The following ARFGAP1 variants were observed in gnomAD, a reference collection of about 807,000 sequenced individuals.
ARFGAP1 encodes ARF GTPase activating protein 1.
Under a neutral mutation model 54.0 loss-of-function variants are expected in ARFGAP1, and 26 were observed. The ratio of observed to expected loss-of-function variants is 0.48; its 90% confidence interval spans 0.35 to 0.67. The LOEUF (loss-of-function observed/expected upper bound fraction) is 0.67. Ranked by LOEUF, ARFGAP1 falls within the 30% of genes least tolerant of loss-of-function variation. ARFGAP1 has a pLI of 0.00. For missense variants in ARFGAP1, 525 were observed against 535.8 expected, an observed-to-expected ratio of 0.98 and a Z score of 0.20; for synonymous variants, 248 against 211.9, an observed-to-expected ratio of 1.17 and a Z score of -1.48.
At position 63,286,437 on chromosome 20, in the gene ARFGAP1, G is replaced by A. The variant is rs1312567474; in HGVS notation, c.906G>A (p.Leu302=). The A allele has an allele frequency of 1.2e-6, 2 of 1,613,160 alleles. No individual in the cohort carries two copies. Among genetic ancestry groups the A allele is most frequent in the Non-Finnish European group, 1.7e-6 (2 of 1,179,938 alleles). The change falls in exon 12 of 13, where the codon TTG becomes TTA. Residue 302 remains leucine (L), a synonymous_variant. Coordinates refer to ENST00000370283, the MANE Select transcript of ARFGAP1 (RefSeq NM_018209.4). The stretch of plus-strand genomic sequence containing the variant: ...TTTCGGGGAAAGCAGAGGGCCCCTT[G>A]GACAGGTATGCTGTGTCCCCTCCTG... ...TFFSGKAEGP[L]DSPSEGHSYQ...
At position 63,284,957 on chromosome 20, in the gene ARFGAP1, C is replaced by G. The variant is rs375396089; in HGVS notation, c.774+35C>G. On this transcript the variant is annotated intron_variant, in intron 10 of 12. Coordinates refer to ENST00000370283, the MANE Select transcript of ARFGAP1 (RefSeq NM_018209.4). ...AGCTCCGGGTGGTTGTGCCTGGAGCCCTTCACTCCAGGGGACGTGGGTGTG... is the reference window on the plus strand; with the variant it reads ...AGCTCCGGGTGGTTGTGCCTGGAGCGCTTCACTCCAGGGGACGTGGGTGTG... 4.4e-6 allele frequency: 7 copies of G among 1,608,184 alleles called. No individual in the cohort carries two copies. In the Admixed American group the frequency reaches 8.3e-5, roughly 19 times the overall value.
At chr20:63,275,233 AC>A (rs1330753006) in intron 1 of ARFGAP1, among the ~76,000 whole-genome samples, 1 of 152,086 alleles carries the variant, frequency 6.6e-6, no homozygotes, top group Non-Finnish European at 1.5e-5. Context: ...TTTAAAGACT[AC>A]CCCTTGCTGT....
At chr20:63,286,114 C>A (rs940547928) in intron 11 of ARFGAP1, 1 of 1,550,228 alleles carries the variant, frequency 6.5e-7, no homozygotes. Flanking sequence ...TCCTCCCCCC[C>A]AAGCATGTGG....
intron 10 of ARFGAP1, chr20:63,285,444 C>A: frequency 1.6e-6 from 1 of 608,326 alleles, no homozygotes; most frequent in Non-Finnish European, 2.9e-6. Flanking sequence ...GCAGGGGCCA[C>A]GTTTGCAGAC....
At chr20:63,284,165 T>A (rs566336011) in intron 9 of ARFGAP1, 1 of 1,297,676 alleles carries the variant, frequency 7.7e-7, no homozygotes, top group East Asian at 3.2e-5. Context: ...GCAGGCCTGC[T>A]GCCGGGGAGG....
Position 63,288,046 on chromosome 20 carries a change from A to C in ARFGAP1, c.*173A>C. ...GGGTGTGCGCCGCCTGCGCGTGGGG[A>C]GTCTTCGGTGCGTGGGGGCGGCTTG... is the stretch of plus-strand genomic sequence containing the variant. On this transcript the variant is annotated 3_prime_UTR_variant, in exon 13 of 13. Transcript: ENST00000370283. 5.2e-6 allele frequency: 4 copies of C among 772,756 alleles called. No individual in the cohort carries two copies. Among genetic ancestry groups the C allele is most frequent in the South Asian group, 3.7e-5 (2 of 53,960 alleles). 47.9% of individuals were successfully genotyped at this position (772,756 alleles called of 1,614,324 possible).
chr20:63,285,219 G>C (rs757658069), intron 10 of ARFGAP1, among the ~76,000 whole-genome samples: 4 of 151,708 alleles, frequency 2.6e-5, no homozygotes, highest in Non-Finnish European at 5.9e-5. Context: ...AGCACCCCCA[G>C]CCCACCTCCG....
At position 63,284,862 on chromosome 20, in the gene ARFGAP1, A is replaced by G. The variant is rs2067484322; in HGVS notation, c.718-4A>G. ...TGGGGCTCACGTGACTTCCCTTCCTACAGGCGTCCGAGCTGGGCCACAGCC... is the reference window on the plus strand; with the variant it reads ...TGGGGCTCACGTGACTTCCCTTCCTGCAGGCGTCCGAGCTGGGCCACAGCC... On this transcript the variant is annotated splice_polypyrimidine_tract_variant and splice_region_variant and intron_variant, in intron 9 of 12. Coordinates refer to ENST00000370283, the MANE Select transcript of ARFGAP1 (RefSeq NM_018209.4). 2 of 1,612,380 alleles carry G rather than the reference A, an allele frequency of 1.2e-6. No homozygotes were observed.
At chr20:63,283,627 C>G (rs1434312245) in intron 9 of ARFGAP1, 2 of 480,020 alleles carry the variant, frequency 4.2e-6, no homozygotes, top group Non-Finnish European at 7.3e-6. Context: ...CTGGCTTTTT[C>G]GTGGGCCTCC....
At chr20:63,278,234 G>T in intron 6 of ARFGAP1, 31 bp downstream of exon 6, 1 of 1,603,608 alleles carries the variant, frequency 6.2e-7, no homozygotes, top group Non-Finnish European at 8.5e-7. Context: ...GACGCCTGGC[G>T]TGGGCCAGGC....
At chr20:63,278,003 A>G in intron 5 of ARFGAP1, 114 bp from the exon 6 acceptor site, 1 of 909,434 alleles carries the variant, frequency 1.1e-6, no homozygotes, top group South Asian at 1.4e-5. Context: ...AGGTGCTCTC[A>G]GGGGTGACGT....
At chr20:63,280,726 G>A (rs553227926) in intron 7 of ARFGAP1, among the ~76,000 whole-genome samples, 1 of 152,348 alleles carries the variant, frequency 6.6e-6, no homozygotes, top group African/African-American at 2.4e-5. Flanking sequence ...GCTGCCTTTT[G>A]CTGGGAAGCT....
rs1039752715 is a variant in ARFGAP1 at position 63,288,405 on chromosome 20, C to T, written c.*532C>T. On this transcript the variant is annotated 3_prime_UTR_variant, in exon 13 of 13. Transcript: ENST00000370283. ...CTGCCATCCGACCACCCTCGGCTCC[C>T]GAGTCCACGCCTGCCTGGGCCTGTG... is the stretch of plus-strand genomic sequence containing the variant. 7 of 456,080 alleles carry T rather than the reference C, an allele frequency of 1.5e-5. No homozygotes were observed. Among genetic ancestry groups the T allele is most frequent in the Admixed American group, 4.7e-5 (2 of 42,560 alleles). The allele number at this position is 456,080 out of a possible 1,614,324, so 28.3% of individuals were successfully genotyped here.
chr20:63,278,421 T>TG (rs3215650), intron 6 of ARFGAP1: 269,974 of 517,918 alleles, frequency 0.52, 75,361 homozygotes, highest in East Asian at 0.84. Context: ...AGGTGTGAAT[T>TG]GGGGGGTCTT....
Position 63,276,272 on chromosome 20 carries a change from T to G in ARFGAP1, c.170+72T>G. The G allele has an allele frequency of 6.4e-7, 1 of 1,550,566 alleles. No homozygotes were observed. Among genetic ancestry groups the G allele is most frequent in the South Asian group, 1.1e-5 (1 of 89,446 alleles). ...CAGCATCTGTTCCTGACACCAGAGG[T>G]GCTGACGCCAGGGAAGCTTGGGGGC... On this transcript the variant is annotated intron_variant, in intron 3 of 12. Coordinates refer to ENST00000370283, the MANE Select transcript of ARFGAP1 (RefSeq NM_018209.4). This position sits in a 1 kb window ranked among gnomAD's most constrained non-coding sequence, Gnocchi z 5.2.
At chr20:63,280,027 A>G (rs2067338962) in intron 7 of ARFGAP1, among the ~76,000 whole-genome samples, 1 of 152,154 alleles carries the variant, frequency 6.6e-6, no homozygotes, top group Non-Finnish European at 1.5e-5. Context: ...TTGTAGCCCC[A>G]GCTACTGAGG....
intron 7 of ARFGAP1, among the ~76,000 whole-genome samples, chr20:63,279,457 C>T (rs1478999367): frequency 3.9e-5 from 6 of 152,150 alleles, no homozygotes; most frequent in East Asian, 1.9e-4. Flanking sequence ...CTGTCCGCCT[C>T]GGCCTCCCAA....
chr20:63,285,724 T>C lies in ARFGAP1; in HGVS notation c.834+11T>C. The C allele has an allele frequency of 6.2e-7, 1 of 1,612,848 alleles. No homozygotes were observed. Among genetic ancestry groups the C allele is most frequent in the Non-Finnish European group, 8.5e-7 (1 of 1,179,384 alleles). ...CAGTTGGCGTCCAAGGTAGGGAGCC[T>C]GCCAGATACGCGGGCACAGTCGAAG... is the stretch of plus-strand genomic sequence containing the variant. On this transcript the variant is annotated intron_variant, in intron 11 of 12. Transcript: ENST00000370283.
At position 63,276,736 on chromosome 20, in the gene ARFGAP1, C is replaced by T. The variant is rs1217525679; in HGVS notation, c.342+85C>T. 1 of 1,442,950 alleles carries T rather than the reference C, an allele frequency of 6.9e-7. No individual in the cohort carries two copies. Among genetic ancestry groups the T allele is most frequent in the Non-Finnish European group, 9.3e-7 (1 of 1,080,912 alleles). The allele number at this position is 1,442,950 out of a possible 1,614,324, so 89.4% of individuals were successfully genotyped here. A position where few individuals can be genotyped will look rare whatever the true frequency, so the allele number is the denominator to read the frequency against. ...AGCTGGACTGTGGCCTTTAGTGGTT[C>T]TGGAGTCGGTTCTTCTGCTGGTTCT... On this transcript the variant is annotated intron_variant, in intron 4 of 12. Transcript: ENST00000370283. This position sits in a 1 kb window ranked among gnomAD's most constrained non-coding sequence, Gnocchi z 5.2.
Sources: allele counts gnomAD v4.1 joint callset (sites outside exome capture counted in the v4.1 genomes callset), GRCh38; gene constraint gnomAD v4.1.1; non-coding constraint Gnocchi (gnomAD v3.1); transcripts MANE v1.5; gene names NCBI Gene and HGNC (gene_info 2026-07-23, HGNC 2026-07-21).